Variants in YWHAZ observed in about 807,000 individuals in gnomAD.
YWHAZ encodes 14-3-3 protein zeta/delta.
For synonymous variants in YWHAZ, 87 were observed against 103.6 expected (o/e 0.84, Z 0.97); for missense variants, 79 against 284.8 (o/e 0.28, Z 5.20).
intron 1 of YWHAZ, among the ~76,000 whole-genome samples, 190 bp from the exon 2 acceptor site, chr8:100,949,090 G>C (rs567971360): frequency 1.1e-4 from 16 of 152,294 alleles, no homozygotes; most frequent in Middle Eastern, 3.4e-3. Flanking sequence ...AGCATACTCA[G>C]CATCAGAGGT....
chr8:100,941,680 G>GA (rs750728175), intron 2 of YWHAZ, among the ~76,000 whole-genome samples: 4 of 152,098 alleles, frequency 2.6e-5, no homozygotes, highest in Non-Finnish European at 5.9e-5. Context: ...AGCTACCTGG[G>GA]AGGCTGAGGA....
upstream of YWHAZ, chr8:100,952,033 T>G (rs1810831050): frequency 3.0e-6 from 3 of 992,984 alleles, no homozygotes; most frequent in African/African-American, 3.5e-5. Flanking sequence ...TGGATCTCGC[T>G]GCTCACAGGC....
intron 5 of YWHAZ, chr8:100,923,327 T>C (rs1266284601): frequency 1.3e-5 from 2 of 152,120 alleles, no homozygotes; most frequent in African/African-American, 4.8e-5. Context: ...AAACGAGACA[T>C]ACAAATCAAC....
chr8:100,950,634 A>C, intron 1 of YWHAZ: 7 of 934,496 alleles, frequency 7.5e-6, no homozygotes, highest in Non-Finnish European at 8.9e-6. Context: ...AGGGAGGAGC[A>C]GCCCGCGCCC....
At chr8:100,944,985 T>C (rs1293656759) in intron 2 of YWHAZ, among the ~76,000 whole-genome samples, 1 of 152,234 alleles carries the variant, frequency 6.6e-6, no homozygotes, top group Non-Finnish European at 1.5e-5. Flanking sequence ...GGTATTCATT[T>C]CATCATGTGC....
At chr8:100,952,683 G>C, upstream of YWHAZ, 1 of 641,622 alleles carries the variant, frequency 1.6e-6, no homozygotes, top group Non-Finnish European at 1.9e-6. Context: ...TTGTGATCAG[G>C]ACTTGCGGGG....
chr8:100,951,644 G>A (rs1199763274), intron 1 of YWHAZ: 5 of 985,204 alleles, frequency 5.1e-6, no homozygotes, highest in Admixed American at 6.2e-5. Context: ...GGGATCTCGC[G>A]TGTGGGCGCC....
intron 1 of YWHAZ, chr8:100,951,227 C>T: frequency 1.0e-6 from 1 of 985,022 alleles, no homozygotes; most frequent in Non-Finnish European, 1.2e-6. Flanking sequence ...AGCCTCGCCC[C>T]GGTCTACCTG....
chr8:100,918,408 T>TCATATATATATATA lies in YWHAZ; in HGVS notation c.*2284_*2285insTATATATATATATG, dbSNP rs1554611374. 1 of 41,882 alleles carries TCATATATATATATA rather than the reference T, an allele frequency of 2.4e-5. No individual in the cohort carries two copies. The highest frequency in any genetic ancestry group is 4.8e-5 in the Non-Finnish European group (1 of 20,796). The allele number at this position is 41,882 out of a possible 1,614,324, so 2.6% of individuals were successfully genotyped here. On this transcript the variant is annotated 3_prime_UTR_variant, in exon 6 of 6. Transcript: ENST00000395958. ...AGTCTAGCTATAAAATATAATTACTTTATATATATATATATATATATATAT... is the reference window on the plus strand; with the variant it reads ...AGTCTAGCTATAAAATATAATTACTTCATATATATATATATATATATATATATATATATATATAT...
intron 1 of YWHAZ, among the ~76,000 whole-genome samples, chr8:100,949,838 T>G (rs1228850616): frequency 6.6e-6 from 1 of 152,234 alleles, no homozygotes; most frequent in African/African-American, 2.4e-5. Context: ...CCTGGACCTT[T>G]TCGATTTACC....
intron 1 of YWHAZ, chr8:100,951,520 G>A (rs1020210173): frequency 1.0e-6 from 1 of 985,596 alleles, no homozygotes; most frequent in Non-Finnish European, 1.2e-6. Context: ...AGCGAGAAGG[G>A]CGGCGAGGGA....
chr8:100,950,385 C>G, intron 1 of YWHAZ: 1 of 985,538 alleles, frequency 1.0e-6, no homozygotes, highest in Non-Finnish European at 1.2e-6. Context: ...GCAGGACTCA[C>G]CGCACCCATT....
rs917874228 is a variant in YWHAZ, at chr8:100,919,785, A to C, written c.*908T>G. ...TGCTTGGATTGTTCATGAAAATTTC[A>C]TAAGACATTAAACAAAGCTAGCCAT... On this transcript the variant is annotated 3_prime_UTR_variant, in exon 6 of 6. Transcript: ENST00000395958. 6.6e-6 allele frequency: 1 copy of C among 152,532 alleles called. No individual in the cohort carries two copies. The allele number at this position is 152,532 out of a possible 1,614,324, so 9.4% of individuals were successfully genotyped here. A position where few individuals can be genotyped will look rare whatever the true frequency, so the allele number is the denominator to read the frequency against.
chr8:100,917,448 A>T lies in YWHAZ; in HGVS notation c.*3245T>A, dbSNP rs575711434. On this transcript the variant is annotated 3_prime_UTR_variant, in exon 6 of 6. Transcript: ENST00000395958. ...AAAAAAAACATACCAGGGTGGGCAC[A>T]GTGGCTCACGCCTGTAATCCCAGCA... 1.3e-5 allele frequency: 2 copies of T among 152,322 alleles called. No individual in the cohort carries two copies. Among genetic ancestry groups the T allele is most frequent in the South Asian group, 2.1e-4 (1 of 4,826 alleles). 9.4% of individuals were successfully genotyped at this position (152,322 alleles called of 1,614,324 possible).
intron 2 of YWHAZ, among the ~76,000 whole-genome samples, chr8:100,931,475 A>G (rs950314737): frequency 6.6e-6 from 1 of 152,182 alleles, no homozygotes. Flanking sequence ...AGCTGGTGGC[A>G]AGACTTTAAC....
chr8:100,918,432 AT>A lies in YWHAZ; in HGVS notation c.*2260del, dbSNP rs1812808224. 2.1e-5 allele frequency: 2 copies of A among 97,384 alleles called. No homozygotes were observed. The highest frequency in any genetic ancestry group is 4.3e-5 in the Non-Finnish European group (2 of 46,412). The allele number at this position is 97,384 out of a possible 1,614,324, so 6.0% of individuals were successfully genotyped here. On this transcript the variant is annotated 3_prime_UTR_variant, in exon 6 of 6. Transcript: ENST00000395958. Reference sequence around the variant, plus strand: ...TTTATATATATATATATATATATATATATATATATATAATTATTTTACCTCC... The same window carrying A: ...TTTATATATATATATATATATATATAATATATATATAATTATTTTACCTCC...
At position 100,924,592 on chromosome 8, in the gene YWHAZ, G is replaced by C. The variant is rs930016536; in HGVS notation, c.419-294C>G. Among the ~76,000 whole-genome samples, 1 of 152,100 alleles carries C rather than the reference G, an allele frequency of 6.6e-6. No individual in the cohort carries two copies. Among genetic ancestry groups the C allele is most frequent in the Admixed American group, 6.5e-5 (1 of 15,274 alleles). On this transcript the variant is annotated intron_variant, in intron 3 of 5. Coordinates refer to ENST00000395958, the MANE Select transcript of YWHAZ (RefSeq NM_145690.3). This position sits in a 1 kb window ranked among gnomAD's most constrained non-coding sequence, Gnocchi z 5.7. ...AGCAATCCTCCCACCTCAGCCTCCAGATTAGCTGGGACCAAAGGCTTGCAC... is the reference window on the plus strand; with the variant it reads ...AGCAATCCTCCCACCTCAGCCTCCACATTAGCTGGGACCAAAGGCTTGCAC...
At chr8:100,950,395 T>G in intron 1 of YWHAZ, 8 of 985,420 alleles carry the variant, frequency 8.1e-6, no homozygotes, top group Non-Finnish European at 9.6e-6. Flanking sequence ...CCGCACCCAT[T>G]TAACCCTTAC....
At chr8:100,944,221 G>A (rs547142632) in intron 2 of YWHAZ, among the ~76,000 whole-genome samples, 4 of 152,228 alleles carry the variant, frequency 2.6e-5, no homozygotes, top group Non-Finnish European at 5.9e-5. Flanking sequence ...CTTAAAAACT[G>A]CTAACTCTAC....
Sources: gnomAD v4.1 joint callset for allele counts (sites outside exome capture counted in the v4.1 genomes callset) on GRCh38, gnomAD v4.1.1 for gene constraint, Gnocchi (gnomAD v3.1) non-coding constraint, MANE v1.5 for transcripts, NCBI Gene and HGNC (gene_info 2026-07-23, HGNC 2026-07-21) for gene names.